Variants in CCDC180 observed in about 807,000 individuals in gnomAD.
The protein encoded by CCDC180 is coiled-coil domain containing 180.
In CCDC180, 154 loss-of-function variants were observed where a neutral mutation model predicts 209.2. That is an observed-to-expected ratio of 0.74 (90% CI 0.65 to 0.84). The LOEUF (loss-of-function observed/expected upper bound fraction) is 0.84. CCDC180 is among the 40% of genes least tolerant of loss of function. The probability of loss-of-function intolerance (pLI) is 0.00; values close to 1 mark genes in which losing one functional copy is unlikely to be tolerated. For missense variants in CCDC180, 1,874 were observed against 1,997.3 expected (o/e 0.94, Z 1.18); for synonymous variants, 778 against 749.1 (o/e 1.04, Z -0.63).
At chr9:97,327,998 G>C (rs752937815) in intron 15 of CCDC180, 22 bp from the exon 16 acceptor site, 3 of 1,608,394 alleles carry the variant, frequency 1.9e-6, no homozygotes, top group East Asian at 2.2e-5. Flanking sequence ...GGGGTCTCCT[G>C]TCTTACCTAC....
At chr9:97,363,880 A>G in intron 28 of CCDC180, 171 bp from the exon 29 acceptor site, 3 of 623,952 alleles carry the variant, frequency 4.8e-6, no homozygotes, top group Non-Finnish European at 8.7e-6. Context: ...AGGTAGACTC[A>G]CAGCTGTTGA....
chr9:97,359,578 T>C (rs901704757), intron 25 of CCDC180, among the ~76,000 whole-genome samples: 2 of 152,166 alleles, frequency 1.3e-5, no homozygotes, highest in African/African-American at 2.4e-5. Context: ...TACACACTCC[T>C]GCACACCCTT....
At chr9:97,357,446 T>G (rs1826614549) in intron 24 of CCDC180, among the ~76,000 whole-genome samples, 181 bp from the exon 25 acceptor site, 1 of 152,166 alleles carries the variant, frequency 6.6e-6, no homozygotes. Context: ...GAACCTTACT[T>G]ACTTGAGAGG....
At chr9:97,367,704 C>T (rs1323721453) in intron 31 of CCDC180, among the ~76,000 whole-genome samples, 1 of 152,116 alleles carries the variant, frequency 6.6e-6, no homozygotes, top group Non-Finnish European at 1.5e-5. Flanking sequence ...GAACTCCTGA[C>T]CTCCAATGGT....
At chr9:97,367,547 C>T (rs1826961455) in intron 31 of CCDC180, among the ~76,000 whole-genome samples, 1 of 151,722 alleles carries the variant, frequency 6.6e-6, no homozygotes, top group South Asian at 2.1e-4. Context: ...AATCTCGGCT[C>T]ACTGCAACCT....
chr9:97,363,635 T>G, intron 28 of CCDC180: 1 of 532,958 alleles, frequency 1.9e-6, no homozygotes, highest in East Asian at 5.4e-5. Flanking sequence ...TGTGATACAC[T>G]AATGCTGAAA....
chr9:97,314,583 C>A, intron 6 of CCDC180, 35 bp from the exon 7 acceptor site: 1 of 1,613,542 alleles, frequency 6.2e-7, no homozygotes, highest in Non-Finnish European at 8.5e-7. Flanking sequence ...CTGCCTCCCA[C>A]CGGCTCCTAG....
intron 16 of CCDC180, among the ~76,000 whole-genome samples, chr9:97,329,381 G>A (rs1825658595): frequency 6.6e-6 from 1 of 152,212 alleles, no homozygotes; most frequent in South Asian, 2.1e-4. Context: ...TCCACAGCCT[G>A]CACTGTTATC....
At chr9:97,309,386 C>T (rs750550333) in intron 2 of CCDC180, 28 bp from the exon 3 acceptor site, 7 of 1,593,702 alleles carry the variant, frequency 4.4e-6, no homozygotes, top group Non-Finnish European at 6.0e-6. Context: ...CTGACCACTC[C>T]CCCATCCTTG....
At chr9:97,330,919 T>TA (rs1825724935) in intron 18 of CCDC180, 152 bp downstream of exon 18, 1 of 804,226 alleles carries the variant, frequency 1.2e-6, no homozygotes, top group Admixed American at 2.5e-5. Context: ...ATTCATACTT[T>TA]AAAAAAATTT....
intron 24 of CCDC180, 91 bp downstream of exon 24, chr9:97,355,099 C>T: frequency 2.5e-6 from 2 of 806,734 alleles, no homozygotes; most frequent in Non-Finnish European, 4.2e-6. Flanking sequence ...ATTGTGGTCT[C>T]TGTCCCGTGT....
chr9:97,324,644 A>C (rs1265198378), intron 13 of CCDC180, among the ~76,000 whole-genome samples: 8 of 152,142 alleles, frequency 5.3e-5, no homozygotes, highest in Admixed American at 2.6e-4. Flanking sequence ...CCCAGATGCC[A>C]TGAGTGAGGG....
At chr9:97,307,578 C>A, upstream of CCDC180, 1 of 675,076 alleles carries the variant, frequency 1.5e-6, no homozygotes, top group East Asian at 2.6e-5. Context: ...AATTCTCCTC[C>A]CTGTGTCCCA....
rs147057805 is a variant in CCDC180, at chr9:97,357,644, G to A, written c.3282G>A (p.Ser1094=). The A allele has an allele frequency of 5.5e-5, 88 of 1,611,926 alleles. No individual in the cohort carries two copies. In the African/African-American group the frequency reaches 1.0e-3, roughly 19 times the overall value. The change falls in exon 25 of 37, where the codon TCG becomes TCA. Residue 1094 remains serine (S), a synonymous_variant. Transcript: ENST00000529487. ...KIKCQVAKSN[S]QTNGLNFSLQ... ...TTTTCTAGGTGGCAAAATCCAATTC[G>A]CAAACAAATGGATTAAATTTCTCTC...
Position 97,320,202 on chromosome 9 carries a change from C to CT in CCDC180, c.1157dup (p.Asp387ArgfsTer16). ...TTCCCTCAACTCCCTGAACAAGGAG[C>CT]TAGGTGAGTGACGTCTGCAGGACTC... On this transcript the variant is annotated frameshift_variant, in exon 11 of 37. Transcript: ENST00000529487. LOFTEE classifies it high-confidence loss of function. The CT allele has an allele frequency of 6.2e-7, 1 of 1,613,872 alleles. No homozygotes were observed.
chr9:97,330,678 A>G lies in CCDC180; in HGVS notation c.2185A>G (p.Lys729Glu), dbSNP rs2118688005. 5 of 1,452,564 alleles carry G rather than the reference A, an allele frequency of 3.4e-6. No individual in the cohort carries two copies. Among genetic ancestry groups the G allele is most frequent in the South Asian group, 1.2e-5 (1 of 84,306 alleles). 90.0% of individuals were successfully genotyped at this position (1,452,564 alleles called of 1,614,324 possible). A position where few individuals can be genotyped will look rare whatever the true frequency, so the allele number is the denominator to read the frequency against. The change falls in exon 18 of 37, where the codon AAG becomes GAG. Residue 729 changes from lysine to glutamate, a missense_variant. Physicochemically the swap from Lys to Glu is moderately conservative, Grantham distance 56. Coordinates refer to ENST00000529487, the MANE Select transcript of CCDC180 (RefSeq NM_020893.6). Reference sequence around the variant, plus strand: ...GGAGGAGTCAGAGGAGGAAGATGAGAAGGAGGAAGAGGAGGAGGAGGAGAA... The same window carrying G: ...GGAGGAGTCAGAGGAGGAAGATGAGGAGGAGGAAGAGGAGGAGGAGGAGAA... ...KKEESEEEDE[K>E]EEEEEEEKLE... is the part of the protein sequence containing the mutation.
intron 13 of CCDC180, 177 bp downstream of exon 13, chr9:97,324,080 C>T (rs1273344093): frequency 2.6e-5 from 17 of 656,058 alleles, no homozygotes; most frequent in African/African-American, 5.5e-5. Context: ...GCTCACTCAC[C>T]GGACTCCTCC....
In CCDC180 at chr9:97,318,612, G is replaced by T. The variant is rs774218340; in HGVS notation, c.1079+30G>T. On this transcript the variant is annotated intron_variant, in intron 10 of 36. Transcript: ENST00000529487. ...GGGCAGGAGGGGCGGCCCAGGAGGGGTGCTTCTTGGGGTGCAGTGAGGGAG... is the reference window on the plus strand; with the variant it reads ...GGGCAGGAGGGGCGGCCCAGGAGGGTTGCTTCTTGGGGTGCAGTGAGGGAG... The T allele has an allele frequency of 6.8e-6, 11 of 1,606,450 alleles. No homozygotes were observed. In the South Asian group the frequency reaches 1.1e-4, roughly 16 times the overall value.
intron 14 of CCDC180, 67 bp from the exon 15 acceptor site, chr9:97,326,487 G>T: frequency 1.1e-6 from 1 of 922,558 alleles, no homozygotes; most frequent in Non-Finnish European, 1.8e-6. Flanking sequence ...GGTCCCTGCA[G>T]GTCACTTACA....
Sources: allele counts gnomAD v4.1 joint callset (sites outside exome capture counted in the v4.1 genomes callset), GRCh38; gene constraint gnomAD v4.1.1; transcripts MANE v1.5; gene names NCBI Gene and HGNC (gene_info 2026-07-23, HGNC 2026-07-21).